Variants in SLC4A4 observed in about 807,000 individuals in gnomAD.
SLC4A4 encodes the protein solute carrier family 4 member 4, also known as electrogenic sodium bicarbonate cotransporter 1.
SLC4A4 carries 27 observed loss-of-function variants against 111.5 expected under a neutral mutation model. The ratio of observed to expected loss-of-function variants is 0.24; its 90% CI spans 0.18 to 0.33. The LOEUF is 0.33. SLC4A4 is among the 10% of genes least tolerant of loss of function. The pLI is 1.00. For synonymous variants in SLC4A4, 443 were observed against 463.4 expected, an observed-to-expected ratio of 0.96 and a Z score of 0.57; for missense variants, 909 against 1,315.5, an observed-to-expected ratio of 0.69 and a Z score of 4.78.
chr4:71,108,553 C>T (rs1215532308), intron 2 of SLC4A4, among the ~76,000 whole-genome samples: 1 of 152,216 alleles, frequency 6.6e-6, no homozygotes, highest in African/African-American at 2.4e-5. Context: ...GCTGCTCTCT[C>T]GTTGCTTTCA....
intron 1 of SLC4A4, among the ~76,000 whole-genome samples, chr4:71,091,390 C>A (rs1051602783): frequency 6.6e-5 from 10 of 151,886 alleles, no homozygotes; most frequent in African/African-American, 2.4e-4. Flanking sequence ...GTAGCTGGGA[C>A]TACAGGCACC....
At chr4:71,506,543 T>C (rs1207210710) in intron 16 of SLC4A4, among the ~76,000 whole-genome samples, 2 of 152,190 alleles carry the variant, frequency 1.3e-5, no homozygotes, top group African/African-American at 4.8e-5. Flanking sequence ...TGATTTTTTA[T>C]CCTGAGACTT....
intron 3 of SLC4A4, among the ~76,000 whole-genome samples, chr4:71,277,831 A>T (rs1216312255): frequency 6.6e-6 from 1 of 152,134 alleles, no homozygotes; most frequent in Non-Finnish European, 1.5e-5. Context: ...AACAAATAAA[A>T]CTATATAAAT....
At chr4:71,547,771 T>C (rs1560609904) in intron 20 of SLC4A4, 51 bp downstream of exon 20, 1 of 1,439,318 alleles carries the variant, frequency 6.9e-7, no homozygotes, top group African/African-American at 1.4e-5. Flanking sequence ...TGACATATAA[T>C]TGGACATGTG....
intron 6 of SLC4A4, among the ~76,000 whole-genome samples, chr4:71,373,798 A>G (rs1388638608): frequency 6.6e-6 from 1 of 152,116 alleles, no homozygotes; most frequent in East Asian, 1.9e-4. Flanking sequence ...TGGAAGTGGA[A>G]AGGAGGGGAT....
At chr4:71,246,690 T>TTCCCTTC (rs991321845) in intron 2 of SLC4A4, among the ~76,000 whole-genome samples, 3 of 152,186 alleles carry the variant, frequency 2.0e-5, no homozygotes, top group Admixed American at 2.0e-4. Context: ...GAGCCCATTT[T>TTCCCTTC]TCCCTTCTCA....
chr4:71,301,929 C>T (rs1377189150), intron 3 of SLC4A4, among the ~76,000 whole-genome samples: 1 of 152,238 alleles, frequency 6.6e-6, no homozygotes, highest in Non-Finnish European at 1.5e-5. Flanking sequence ...TCTTCCCCAC[C>T]AAACTTCTGA....
intron 2 of SLC4A4, among the ~76,000 whole-genome samples, chr4:71,180,342 T>C (rs1426049550): frequency 2.6e-5 from 4 of 152,144 alleles, no homozygotes; most frequent in African/African-American, 4.8e-5. Flanking sequence ...AAAGCCAAAA[T>C]TGACAAATGG....
At chr4:71,535,311 T>C (rs2149215245) in intron 18 of SLC4A4, among the ~76,000 whole-genome samples, 1 of 152,254 alleles carries the variant, frequency 6.6e-6, no homozygotes, top group Middle Eastern at 3.4e-3. Flanking sequence ...AAGAATTGGC[T>C]GACTACAGAA....
intron 3 of SLC4A4, among the ~76,000 whole-genome samples, chr4:71,321,096 G>A (rs1727083844): frequency 6.6e-6 from 1 of 151,962 alleles, no homozygotes; most frequent in Non-Finnish European, 1.5e-5. Context: ...GAATGCATAA[G>A]TTTATTTGTA....
At chr4:71,502,346 T>G (rs1731029374) in intron 16 of SLC4A4, among the ~76,000 whole-genome samples, 1 of 152,184 alleles carries the variant, frequency 6.6e-6, no homozygotes, top group South Asian at 2.1e-4. Flanking sequence ...TTCTTTGAGT[T>G]TTATTATTTC....
At chr4:71,188,838 A>G (rs1745608171) in intron 1 of SLC4A4, among the ~76,000 whole-genome samples, 1 of 152,202 alleles carries the variant, frequency 6.6e-6, no homozygotes. Flanking sequence ...ATATTAGTAT[A>G]ACTTCATTCA....
intron 13 of SLC4A4, among the ~76,000 whole-genome samples, chr4:71,468,460 C>G (rs1203976680): frequency 6.6e-6 from 1 of 151,916 alleles, no homozygotes; most frequent in Non-Finnish European, 1.5e-5. Flanking sequence ...CTTTCTCGTT[C>G]TCCCTTTTTT....
At chr4:71,506,792 A>T (rs906516278) in intron 16 of SLC4A4, among the ~76,000 whole-genome samples, 14 of 152,238 alleles carry the variant, frequency 9.2e-5, no homozygotes, top group African/African-American at 3.1e-4. Flanking sequence ...ACACATAATC[A>T]TCAGATTCTC....
chr4:71,326,267 C>T (rs577782012), intron 3 of SLC4A4, among the ~76,000 whole-genome samples: 276 of 151,976 alleles, frequency 1.8e-3, no homozygotes, highest in Non-Finnish European at 3.1e-3. Context: ...CGTGACAGTC[C>T]TTTGATACAT....
intron 6 of SLC4A4, among the ~76,000 whole-genome samples, chr4:71,396,365 C>T (rs551838576): frequency 3.3e-5 from 5 of 152,252 alleles, no homozygotes; most frequent in African/African-American, 1.2e-4. Context: ...ATTTAAATAG[C>T]TGCTGTTATA....
intron 6 of SLC4A4, among the ~76,000 whole-genome samples, chr4:71,383,833 G>T (rs897291794): frequency 1.3e-5 from 2 of 151,580 alleles, no homozygotes; most frequent in Admixed American, 6.6e-5. Flanking sequence ...TGTCTTTATG[G>T]ATCCATTAGG....
At chr4:71,304,557 A>C (rs550392910) in intron 3 of SLC4A4, among the ~76,000 whole-genome samples, 25 of 152,348 alleles carry the variant, frequency 1.6e-4, no homozygotes, top group Admixed American at 1.5e-3. Context: ...AGAAGAGGCA[A>C]ACCTAGAAAT....
intron 16 of SLC4A4, among the ~76,000 whole-genome samples, chr4:71,513,432 A>G (rs1188936799): frequency 1.3e-5 from 2 of 151,978 alleles, no homozygotes; most frequent in African/African-American, 4.8e-5. Flanking sequence ...TTTCTTGGCT[A>G]GATCTTGGTG....
Sources: gnomAD v4.1 joint callset for allele counts (sites outside exome capture counted in the v4.1 genomes callset) on GRCh38, gnomAD v4.1.1 for gene constraint, MANE v1.5 for transcripts, NCBI Gene and HGNC (gene_info 2026-07-23, HGNC 2026-07-21) for gene names.